Variants in ASB14 observed in about 807,000 individuals in gnomAD.
The protein encoded by ASB14 is ankyrin repeat and SOCS box protein 14.
Under a neutral mutation model 55.6 loss-of-function variants are expected in ASB14, and 63 were observed. The observed-to-expected ratio is 1.13, with a 90% confidence interval of 0.92 to 1.40. ASB14 has a LOEUF of 1.40. ASB14 is among the 40% of genes most tolerant of loss of function. The pLI is 0.00. For synonymous variants in ASB14, 256 were observed against 259.9 expected (o/e 0.98, Z 0.15); for missense variants, 724 against 710.4 (o/e 1.02, Z -0.22).
chr3:57,271,810 A>G (rs559857521), intron 10 of ASB14: 1 of 152,356 alleles, frequency 6.6e-6, no homozygotes, highest in East Asian at 1.9e-4. Flanking sequence ...CATCATCTCC[A>G]TAGGTCAGAT....
chr3:57,289,940 C>T (rs972719255), intron 2 of ASB14, among the ~76,000 whole-genome samples: 8 of 152,242 alleles, frequency 5.3e-5, no homozygotes, highest in Middle Eastern at 3.4e-3. Flanking sequence ...AGCCACCACA[C>T]CCGGCCACCT....
chr3:57,278,250 T>G, intron 8 of ASB14, 127 bp downstream of exon 8: 1 of 667,954 alleles, frequency 1.5e-6, no homozygotes, highest in South Asian at 2.6e-5. Flanking sequence ...TATTTTATCA[T>G]ATAATTATTA....
In ASB14 at chr3:57,292,049, G is replaced by A. The variant is rs77118650; in HGVS notation, c.-16C>T. The A allele has an allele frequency of 0.019, 29,464 of 1,532,208 alleles. 379 individuals carry two copies. Among genetic ancestry groups the A allele is most frequent in the Admixed American group, 0.024 (1,196 of 50,444 alleles). The allele number at this position is 1,532,208 out of a possible 1,614,324, so 94.9% of individuals were successfully genotyped here. A position where few individuals can be genotyped will look rare whatever the true frequency, so the allele number is the denominator to read the frequency against. ...AATTATCCATGTGAAACGTGGACAG[G>A]TTTACTTTAAAGTCAGAGTGAATTA... On this transcript the variant is annotated 5_prime_UTR_variant, in exon 2 of 11. Transcript: ENST00000487349.
Position 57,288,163 on chromosome 3 carries a change from G to A in ASB14, c.302C>T (p.Thr101Ile), listed in dbSNP as rs115706290. The A allele has an allele frequency of 4.0e-5, 61 of 1,537,074 alleles. No homozygotes were observed. In the African/African-American group the frequency reaches 7.7e-4, roughly 19 times the overall value. ...AATCAAAGGGAATTTACCGCTTAGGGTTATTTCCAAAATTTTCCTATTTAA... is the reference window on the plus strand; with the variant it reads ...AATCAAAGGGAATTTACCGCTTAGGATTATTTCCAAAATTTTCCTATTTAA... ...VQLNRKILEI[T>I]LSASDPSLWE... Residue 101 changes from threonine to isoleucine, a missense_variant, in exon 4 of 11, where the codon ACC (threonine) becomes ATC (isoleucine). Physicochemically the swap from Thr to Ile is moderately conservative, Grantham distance 89. Coordinates refer to ENST00000487349, the MANE Select transcript of ASB14 (RefSeq NM_001142733.3).
intron 10 of ASB14, chr3:57,271,745 C>T (rs1413950629): frequency 6.6e-6 from 1 of 152,206 alleles, no homozygotes; most frequent in African/African-American, 2.4e-5. Flanking sequence ...GGATGCTGGA[C>T]AGACCTGTAG....
At chr3:57,278,310 T>A in intron 8 of ASB14, 67 bp downstream of exon 8, 1 of 1,307,146 alleles carries the variant, frequency 7.7e-7, no homozygotes, top group Non-Finnish European at 1.1e-6. Flanking sequence ...TGTAATCTAT[T>A]TATTGCCATA....
At chr3:57,273,755 A>C (rs1001337621) in intron 10 of ASB14, among the ~76,000 whole-genome samples, 3 of 152,214 alleles carry the variant, frequency 2.0e-5, no homozygotes, top group African/African-American at 7.2e-5. Context: ...TCTAATTTAC[A>C]GGGGCAGGTT....
intron 10 of ASB14, chr3:57,270,471 A>G (rs1423735084): frequency 6.6e-6 from 1 of 152,656 alleles, no homozygotes; most frequent in East Asian, 1.9e-4. Flanking sequence ...TTTTTGTTCA[A>G]TACATTTTAG....
chr3:57,288,053 T>C lies in ASB14; in HGVS notation c.317A>G (p.Asp106Gly). ...KILEITLSAS[D>G]PSLWEQTTHN... ...AGTGGTTTGCTCCCACAGACTGGGGTCTGAAGCTGAAATAAATTCATCATA... is the reference window on the plus strand; with the variant it reads ...AGTGGTTTGCTCCCACAGACTGGGGCCTGAAGCTGAAATAAATTCATCATA... Residue 106 changes from aspartate (D) to glycine (G), a missense_variant, in exon 5 of 11, where the codon GAC becomes GGC. Asp to Gly is a moderately conservative substitution (Grantham distance 94, BLOSUM62 -1). Coordinates refer to ENST00000487349, the MANE Select transcript of ASB14 (RefSeq NM_001142733.3). 1 of 1,537,096 alleles carries C rather than the reference T, an allele frequency of 6.5e-7. No individual in the cohort carries two copies. The highest frequency in any genetic ancestry group is 8.7e-7 in the Non-Finnish European group (1 of 1,146,830).
At chr3:57,291,066 A>T (rs1316964891) in intron 2 of ASB14, among the ~76,000 whole-genome samples, 1 of 152,168 alleles carries the variant, frequency 6.6e-6, no homozygotes, top group Non-Finnish European at 1.5e-5. Flanking sequence ...CCTCATAGAG[A>T]GGTAATGAGA....
rs2060920629 is a variant in ASB14 at position 57,269,567 on chromosome 3, A to G, written c.*74T>C. On this transcript the variant is annotated 3_prime_UTR_variant, in exon 11 of 11. Transcript: ENST00000487349. ...ACTTGGAAGAACAAAGTCGGTTGATAGCTGCTTCCAGTAGACCAAACCAAG... is the reference window on the plus strand; with the variant it reads ...ACTTGGAAGAACAAAGTCGGTTGATGGCTGCTTCCAGTAGACCAAACCAAG... The G allele has an allele frequency of 2.5e-6, 4 of 1,613,946 alleles. No individual in the cohort carries two copies. Among genetic ancestry groups the G allele is most frequent in the Non-Finnish European group, 3.4e-6 (4 of 1,179,996 alleles).
intron 5 of ASB14, among the ~76,000 whole-genome samples, chr3:57,284,094 A>ATGTGTGTGTGTGTGTGTGTGTGTGTG (rs147304310): frequency 0.024 from 3,223 of 136,340 alleles, 93 homozygotes; most frequent in East Asian, 0.075. Context: ...AACACTGTGT[A>ATGTGTGTGTGTGTGTGTGTGTGTGTG]TGTGTGTGTG....
chr3:57,288,843 T>C, intron 3 of ASB14: 1 of 350,448 alleles, frequency 2.9e-6, no homozygotes, highest in South Asian at 4.0e-5. Flanking sequence ...CCCTCCCGAG[T>C]AGCTGGGATT....
Position 57,269,303 on chromosome 3 carries a change from TAAAAA to T in ASB14, c.*333_*337del. ...ATGGGCTTTATTTGGTTGTTGGTCA[TAAAAA>T]AAGAAAGATAAAATATTAGATTTTA... On this transcript the variant is annotated 3_prime_UTR_variant, in exon 11 of 11. Coordinates refer to ENST00000487349, the MANE Select transcript of ASB14 (RefSeq NM_001142733.3). The T allele has an allele frequency of 2.4e-6, 1 of 414,866 alleles. No homozygotes were observed. Among genetic ancestry groups the T allele is most frequent in the East Asian group, 4.0e-5 (1 of 25,092 alleles). 25.7% of individuals were successfully genotyped at this position (414,866 alleles called of 1,614,324 possible).
chr3:57,273,685 A>G (rs1040683880), intron 10 of ASB14, among the ~76,000 whole-genome samples: 5 of 152,284 alleles, frequency 3.3e-5, no homozygotes, highest in Admixed American at 2.0e-4. Context: ...TTAGCAAAGG[A>G]AAAAGACTTC....
chr3:57,277,476 T>G (rs372282341), intron 9 of ASB14, among the ~76,000 whole-genome samples: 4 of 152,190 alleles, frequency 2.6e-5, no homozygotes, highest in African/African-American at 9.7e-5. Flanking sequence ...CCATATGATA[T>G]TAGCTTTTCA....
At chr3:57,278,062 C>A in intron 8 of ASB14, 142 bp from the exon 9 acceptor site, 2 of 703,640 alleles carry the variant, frequency 2.8e-6, no homozygotes, top group South Asian at 2.1e-5. Context: ...TGGTAGTGGT[C>A]AACTGTACTT....
chr3:57,269,814 C>A, intron 10 of ASB14, 196 bp from the exon 11 acceptor site: 2 of 1,106,866 alleles, frequency 1.8e-6, no homozygotes, highest in Non-Finnish European at 2.5e-6. Flanking sequence ...TTTGTTGTAG[C>A]TACATTTTAA....
chr3:57,290,209 C>G (rs112330705), intron 2 of ASB14, among the ~76,000 whole-genome samples: 2 of 152,300 alleles, frequency 1.3e-5, no homozygotes, highest in African/African-American at 4.8e-5. Context: ...GGACTGAAAT[C>G]AAGATGTCAG....
Sources: gnomAD v4.1 joint callset for allele counts (sites outside exome capture counted in the v4.1 genomes callset) on GRCh38, gnomAD v4.1.1 for gene constraint, MANE v1.5 for transcripts, NCBI Gene and HGNC (gene_info 2026-07-23, HGNC 2026-07-21) for gene names.